Variants in FOXP2 observed in about 807,000 individuals in gnomAD.
FOXP2 encodes forkhead box P2.
Under a neutral mutation model 115.8 loss-of-function variants are expected in FOXP2, and 12 were observed. That is an observed-to-expected ratio of 0.10 (90% CI 0.07 to 0.17). The LOEUF (loss-of-function observed/expected upper bound fraction) is 0.17. Among genes scored for constraint, FOXP2 ranks in the 10% least tolerant of loss-of-function variants. The pLI is 1.00. For missense variants in FOXP2, 629 were observed against 843.5 expected (o/e 0.75, Z 3.15); for synonymous variants, 328 against 297.7 (o/e 1.10, Z -1.05).
chr7:114,619,878 C>T (rs939256834), intron 3 of FOXP2, among the ~76,000 whole-genome samples: 3 of 151,986 alleles, frequency 2.0e-5, no homozygotes, highest in African/African-American at 7.2e-5. Flanking sequence ...GAATGTTTTT[C>T]ATTCAGTCAT....
chr7:114,425,789 C>T (rs1026731421), intron 1 of FOXP2, among the ~76,000 whole-genome samples: 1 of 151,524 alleles, frequency 6.6e-6, no homozygotes. Flanking sequence ...CATGCATAAG[C>T]TTAATTACTT....
chr7:114,469,664 A>G (rs1176842757), intron 2 of FOXP2, among the ~76,000 whole-genome samples: 1 of 152,226 alleles, frequency 6.6e-6, no homozygotes, highest in African/African-American at 2.4e-5. Flanking sequence ...ATTAGGAAGC[A>G]ATGAAGATTA....
chr7:114,523,653 C>A (rs1388446293), intron 2 of FOXP2, among the ~76,000 whole-genome samples: 1 of 151,984 alleles, frequency 6.6e-6, no homozygotes, highest in Non-Finnish European at 1.5e-5. Flanking sequence ...AACTCTGAAA[C>A]TTTTCCTCTG....
At chr7:114,544,142 A>C (rs1799809667) in intron 3 of FOXP2, among the ~76,000 whole-genome samples, 1 of 152,146 alleles carries the variant, frequency 6.6e-6, no homozygotes, top group African/African-American at 2.4e-5. Flanking sequence ...GTCATGAGCC[A>C]CAGCACCCAG....
intron 2 of FOXP2, among the ~76,000 whole-genome samples, chr7:114,393,489 G>A (rs2396724): frequency 0.38 from 57,382 of 151,812 alleles, 11,634 homozygotes; most frequent in African/African-American, 0.49. Context: ...AGAGAGGAGG[G>A]CATCCACATA....
At chr7:114,656,496 T>C (rs990998205) in intron 10 of FOXP2, 16 of 454,078 alleles carry the variant, frequency 3.5e-5, no homozygotes, top group African/African-American at 2.2e-4. Context: ...TCTCAAACTA[T>C]GCAGAGGTGC....
At chr7:114,646,579 A>G (rs903017805) in intron 8 of FOXP2, among the ~76,000 whole-genome samples, 4 of 152,064 alleles carry the variant, frequency 2.6e-5, no homozygotes, top group African/African-American at 9.6e-5. Context: ...TTAACTTTAT[A>G]GGGATGACAG....
intron 3 of FOXP2, among the ~76,000 whole-genome samples, chr7:114,614,075 G>A (rs115403267): frequency 0.015 from 2,326 of 152,266 alleles, 54 homozygotes; most frequent in African/African-American, 0.054. Context: ...ATGTATAACT[G>A]AGGATAAGTT....
chr7:114,374,462 T>C (rs1348725552), intron 2 of FOXP2, among the ~76,000 whole-genome samples: 3 of 152,192 alleles, frequency 2.0e-5, no homozygotes, highest in African/African-American at 7.2e-5. Context: ...ATATTTATTG[T>C]ATGTTAACAA....
intron 3 of FOXP2, among the ~76,000 whole-genome samples, chr7:114,588,565 G>T (rs555657174): frequency 6.6e-6 from 1 of 152,094 alleles, no homozygotes; most frequent in Non-Finnish European, 1.5e-5. Flanking sequence ...TTTGTGGTCG[G>T]AAGGGAATTG....
chr7:114,495,815 A>T (rs984292477), intron 2 of FOXP2, among the ~76,000 whole-genome samples: 5 of 151,728 alleles, frequency 3.3e-5, no homozygotes, highest in African/African-American at 9.7e-5. Context: ...CCACATTTTT[A>T]TTTTCTATAT....
At chr7:114,411,582 A>G (rs1317896583), upstream of FOXP2, among the ~76,000 whole-genome samples, 1 of 152,128 alleles carries the variant, frequency 6.6e-6, no homozygotes, top group Non-Finnish European at 1.5e-5. Flanking sequence ...ATCTGTTTGA[A>G]ATGGTGGCTG....
chr7:114,353,373 A>G (rs1791542138), intron 2 of FOXP2, among the ~76,000 whole-genome samples: 1 of 120,290 alleles, frequency 8.3e-6, no homozygotes, highest in African/African-American at 3.3e-5. Flanking sequence ...AGCTCTATCT[A>G]TCACAGAGAT....
chr7:114,197,312 A>C (rs1793938725), intron 1 of FOXP2, among the ~76,000 whole-genome samples: 1 of 152,200 alleles, frequency 6.6e-6, no homozygotes, highest in Non-Finnish European at 1.5e-5. Context: ...TAAACAACAA[A>C]AATTTATTTT....
At chr7:114,226,565 G>T (rs548767763) in intron 1 of FOXP2, among the ~76,000 whole-genome samples, 1 of 152,148 alleles carries the variant, frequency 6.6e-6, no homozygotes, top group Non-Finnish European at 1.5e-5. Flanking sequence ...AGAAGAGTTT[G>T]CTCTTAGAAT....
intron 2 of FOXP2, among the ~76,000 whole-genome samples, chr7:114,515,062 G>C (rs1014220119): frequency 7.2e-4 from 109 of 150,750 alleles, no homozygotes; most frequent in African/African-American, 2.4e-3. Flanking sequence ...ATTTTTTATG[G>C]CTGCATAGTA....
chr7:114,149,935 T>A (rs1792486614), intron 1 of FOXP2, among the ~76,000 whole-genome samples: 1 of 152,060 alleles, frequency 6.6e-6, no homozygotes, highest in Non-Finnish European at 1.5e-5. Context: ...TGGTAAAAAT[T>A]ACATTATTAT....
chr7:114,372,688 C>G (rs556862376), intron 2 of FOXP2, among the ~76,000 whole-genome samples: 1 of 152,200 alleles, frequency 6.6e-6, no homozygotes, highest in East Asian at 1.9e-4. Flanking sequence ...AATTCCAAAG[C>G]TCCTATTCAT....
chr7:114,294,803 C>T (rs767306172), intron 2 of FOXP2, among the ~76,000 whole-genome samples: 4 of 151,658 alleles, frequency 2.6e-5, no homozygotes, highest in Non-Finnish European at 5.9e-5. Context: ...ATTGTGCCAC[C>T]GCATTCCAGC....
Sources: gnomAD v4.1 joint callset for allele counts (sites outside exome capture counted in the v4.1 genomes callset) on GRCh38, gnomAD v4.1.1 for gene constraint, MANE v1.5 for transcripts, NCBI Gene and HGNC (gene_info 2026-07-23, HGNC 2026-07-21) for gene names.